Variants in SNX29 observed in about 807,000 individuals in gnomAD.
SNX29 encodes sorting nexin-29.
Under a neutral mutation model 102.1 loss-of-function variants are expected in SNX29, and 78 were observed. The ratio of observed to expected loss-of-function variants is 0.76; its 90% CI spans 0.64 to 0.92. The LOEUF (loss-of-function observed/expected upper bound fraction) is 0.92. SNX29 is among the 40% of genes least tolerant of loss of function. SNX29 has a pLI of 0.00. For synonymous variants in SNX29, 580 were observed against 414.5 expected, an observed-to-expected ratio of 1.40 and a Z score of -4.85; for missense variants, 1,280 against 1,061.7, an observed-to-expected ratio of 1.21 and a Z score of -2.86.
chr16:12,335,740 A>T (rs145744504), intron 15 of SNX29, among the ~76,000 whole-genome samples: 232 of 151,994 alleles, frequency 1.5e-3, no homozygotes, highest in African/African-American at 5.3e-3. Context: ...GCATTTCTTT[A>T]TGTGCTAGAC....
At chr16:12,492,892 T>C (rs1046874013) in intron 19 of SNX29, among the ~76,000 whole-genome samples, 5 of 152,152 alleles carry the variant, frequency 3.3e-5, no homozygotes, top group Non-Finnish European at 7.4e-5. Flanking sequence ...TGATCTATAT[T>C]TCTGTTTTGG....
intron 14 of SNX29, among the ~76,000 whole-genome samples, chr16:12,253,766 C>T (rs913912744): frequency 1.3e-5 from 2 of 152,116 alleles, no homozygotes; most frequent in African/African-American, 4.8e-5. Flanking sequence ...CACTGGAGGA[C>T]TGTGAGCAAA....
chr16:12,415,607 G>T (rs1464578125), intron 18 of SNX29, among the ~76,000 whole-genome samples: 2 of 152,188 alleles, frequency 1.3e-5, no homozygotes, highest in East Asian at 3.9e-4. Context: ...GTCTGCCTCC[G>T]TCAGACCTTC....
intron 13 of SNX29, among the ~76,000 whole-genome samples, chr16:12,162,874 G>C (rs1596394797): frequency 6.6e-6 from 1 of 151,406 alleles, no homozygotes; most frequent in African/African-American, 2.5e-5. Context: ...ACACAACATA[G>C]TTGTTGCTTT....
intron 19 of SNX29, among the ~76,000 whole-genome samples, chr16:12,480,170 C>T (rs2087840133): frequency 1.3e-5 from 2 of 152,214 alleles, no homozygotes; most frequent in Non-Finnish European, 2.9e-5. Flanking sequence ...CAAATCCCCA[C>T]AAATGCAGGG....
At chr16:12,493,710 G>T (rs2088666852) in intron 19 of SNX29, among the ~76,000 whole-genome samples, 1 of 152,154 alleles carries the variant, frequency 6.6e-6, no homozygotes, top group Admixed American at 6.5e-5. Context: ...TCCTGCCTCA[G>T]CCTCCCAAGT....
chr16:12,475,443 C>G (rs55775640), intron 18 of SNX29, among the ~76,000 whole-genome samples: 23,045 of 152,136 alleles, frequency 0.15, 2,351 homozygotes, highest in African/African-American at 0.3. Context: ...GCTTTGCAGG[C>G]TGTATGGTCT....
intron 13 of SNX29, among the ~76,000 whole-genome samples, chr16:12,136,825 C>A (rs1289320201): frequency 6.6e-6 from 1 of 152,170 alleles, no homozygotes; most frequent in African/African-American, 2.4e-5. Flanking sequence ...CTGCAACCTC[C>A]ACCTCCTGGG....
chr16:12,557,939 T>A (rs1021638142), intron 20 of SNX29, among the ~76,000 whole-genome samples: 1 of 152,160 alleles, frequency 6.6e-6, no homozygotes, highest in South Asian at 2.1e-4. Context: ...GCTATTTTCA[T>A]TCACCGCTTG....
At chr16:12,274,167 C>A (rs1043712666) in intron 14 of SNX29, among the ~76,000 whole-genome samples, 1 of 152,348 alleles carries the variant, frequency 6.6e-6, no homozygotes, top group East Asian at 1.9e-4. Context: ...TCCTGCCTCT[C>A]ACGTGGCTTG....
chr16:12,568,254 G>A (rs1488924845), intron 20 of SNX29, among the ~76,000 whole-genome samples: 1 of 149,746 alleles, frequency 6.7e-6, no homozygotes, highest in Non-Finnish European at 1.5e-5. Context: ...GTGGTACCAT[G>A]AGCTAGCTCA....
At chr16:12,286,344 ATTTTTT>A (rs569920963) in intron 15 of SNX29, among the ~76,000 whole-genome samples, 1 of 128,926 alleles carries the variant, frequency 7.8e-6, no homozygotes, top group Non-Finnish European at 1.7e-5. Flanking sequence ...ACCTCCAAGG[ATTTTTT>A]TTTTTTTTTT....
chr16:12,444,488 A>G (rs1368471327), intron 18 of SNX29, among the ~76,000 whole-genome samples: 1 of 152,260 alleles, frequency 6.6e-6, no homozygotes, highest in African/African-American at 2.4e-5. Flanking sequence ...ATACTCAAGT[A>G]CTGGCCCCAG....
intron 11 of SNX29, among the ~76,000 whole-genome samples, chr16:12,095,542 T>G (rs2052731859): frequency 6.6e-6 from 1 of 152,210 alleles, no homozygotes; most frequent in South Asian, 2.1e-4. Context: ...CAGCTTTCTG[T>G]TCACCATCAG....
At chr16:12,433,546 G>T (rs1474217568) in intron 18 of SNX29, among the ~76,000 whole-genome samples, 1 of 150,760 alleles carries the variant, frequency 6.6e-6, no homozygotes, top group Non-Finnish European at 1.5e-5. Context: ...CAGAAGAATC[G>T]CTTGAACCCG....
At chr16:12,239,794 T>C (rs537950591) in intron 14 of SNX29, among the ~76,000 whole-genome samples, 1 of 150,874 alleles carries the variant, frequency 6.6e-6, no homozygotes, top group Non-Finnish European at 1.5e-5. Flanking sequence ...CACTCCAGCA[T>C]GAGCAATAGA....
At chr16:12,390,203 C>G (rs1330061995) in intron 16 of SNX29, among the ~76,000 whole-genome samples, 1 of 149,748 alleles carries the variant, frequency 6.7e-6, no homozygotes, top group African/African-American at 2.5e-5. Context: ...TATGTGTGCA[C>G]GCACAGCCTC....
chr16:11,983,194 G>A (rs1345676621), intron 1 of SNX29, among the ~76,000 whole-genome samples: 1 of 151,298 alleles, frequency 6.6e-6, no homozygotes, highest in Non-Finnish European at 1.5e-5. Flanking sequence ...GCCTCCCAAA[G>A]TGCTAGGATT....
intron 20 of SNX29, among the ~76,000 whole-genome samples, chr16:12,561,444 A>T (rs1203875814): frequency 1.3e-5 from 2 of 152,110 alleles, no homozygotes; most frequent in Admixed American, 1.3e-4. Context: ...CCAGCCCTCT[A>T]AGCTTCAAAG....
Sources: gnomAD v4.1 joint callset for allele counts (sites outside exome capture counted in the v4.1 genomes callset) on GRCh38, gnomAD v4.1.1 for gene constraint, MANE v1.5 for transcripts, NCBI Gene and HGNC (gene_info 2026-07-23, HGNC 2026-07-21) for gene names.